Variants in VCAN observed in about 807,000 individuals in gnomAD.
The protein encoded by VCAN is versican core protein.
In VCAN, 44 loss-of-function variants were observed where a neutral mutation model predicts 245.5. The observed-to-expected ratio is 0.18, with a 90% CI of 0.14 to 0.23. VCAN has a LOEUF of 0.23. Among genes scored for constraint, VCAN ranks in the 10% least tolerant of loss-of-function variants. The pLI is 1.00. For synonymous variants in VCAN, 1,413 were observed against 1,437.0 expected (o/e 0.98, Z 0.38); for missense variants, 3,793 against 4,057.9 (o/e 0.93, Z 1.77).
intron 10 of VCAN, among the ~76,000 whole-genome samples, chr5:83,549,974 TTC>T: frequency 6.6e-6 from 1 of 152,334 alleles, no homozygotes; most frequent in Non-Finnish European, 1.5e-5. Context: ...ACGTTTTCTG[TTC>T]TCTGACTAGT....
chr5:83,519,963 G>A lies in VCAN; in HGVS notation c.1657G>A (p.Gly553Arg). The change falls in exon 7 of 15, where the codon GGA (glycine) becomes AGA (arginine). Residue 553 changes from glycine (G) to arginine (R), a missense_variant. By Grantham distance (125) the Gly-to-Arg change is moderately radical. This residue lies in a region of VCAN where 3,182 missense variants were observed against 3,250.3 expected (regional missense o/e 0.98). Transcript: ENST00000265077. Reference protein sequence around the residue: ...VTTGHYGFTLGEEDDEDRTLT... With the variant: ...VTTGHYGFTLREEDDEDRTLT... The stretch of plus-strand genomic sequence containing the variant: ...CACAGGTCACTATGGATTCACCTTG[G>A]GAGAAGAGGATGATGAAGACAGAAC... 1 of 1,614,078 alleles carries A rather than the reference G, an allele frequency of 6.2e-7. No individual in the cohort carries two copies. The highest frequency in any genetic ancestry group is 1.1e-5 in the South Asian group (1 of 91,072).
intron 5 of VCAN, among the ~76,000 whole-genome samples, chr5:83,504,505 C>G (rs1370727709): frequency 6.6e-5 from 10 of 151,944 alleles, no homozygotes; most frequent in Admixed American, 6.6e-4. Flanking sequence ...GCCTCAGATC[C>G]CCAGTAGCTG....
At chr5:83,501,193 T>C (rs2112371559) in intron 5 of VCAN, among the ~76,000 whole-genome samples, 1 of 152,312 alleles carries the variant, frequency 6.6e-6, no homozygotes, top group South Asian at 2.1e-4. Flanking sequence ...TTGTATATTC[T>C]AGATTTGCAT....
chr5:83,492,148 G>A (rs1176558853), intron 3 of VCAN, among the ~76,000 whole-genome samples: 1 of 152,028 alleles, frequency 6.6e-6, no homozygotes, highest in Non-Finnish European at 1.5e-5. Flanking sequence ...ACTGATCTGA[G>A]GCACTTATCT....
intron 13 of VCAN, among the ~76,000 whole-genome samples, chr5:83,577,620 A>G (rs1748530892): frequency 6.6e-6 from 1 of 152,170 alleles, no homozygotes; most frequent in Admixed American, 6.5e-5. Context: ...GGTTGACACT[A>G]TCCTGAAGTC....
chr5:83,514,291 G>A (rs1432943021), intron 6 of VCAN, among the ~76,000 whole-genome samples: 7 of 151,652 alleles, frequency 4.6e-5, no homozygotes, highest in African/African-American at 2.4e-5. Flanking sequence ...TACTTAAGAC[G>A]TTATTATATT....
At position 83,548,225 on chromosome 5, in the gene VCAN, A is replaced by G. The variant is rs1330384194; in HGVS notation, c.9493+141A>G. ...TTCAGGGATAGCTCAAAACATCTGA[A>G]TCATAGTGTTGACTTGATTATGGTT... On this transcript the variant is annotated intron_variant, in intron 10 of 14. Coordinates refer to ENST00000265077, the MANE Select transcript of VCAN (RefSeq NM_004385.5). 5.5e-6 allele frequency: 4 copies of G among 725,160 alleles called. No individual in the cohort carries two copies. In the East Asian group the frequency reaches 1.1e-4, roughly 19 times the overall value. 44.9% of individuals were successfully genotyped at this position (725,160 alleles called of 1,614,324 possible). A position where few individuals can be genotyped will look rare whatever the true frequency, so the allele number is the denominator to read the frequency against.
chr5:83,476,465 G>A (rs1744396863), intron 1 of VCAN, among the ~76,000 whole-genome samples: 1 of 152,136 alleles, frequency 6.6e-6, no homozygotes, highest in South Asian at 2.1e-4. Context: ...TCATTGTTGG[G>A]AGTTACTTGC....
intron 6 of VCAN, among the ~76,000 whole-genome samples, chr5:83,516,701 C>A (rs1471657008): frequency 1.3e-5 from 2 of 152,262 alleles, no homozygotes; most frequent in Non-Finnish European, 2.9e-5. Flanking sequence ...GCCAAAACTT[C>A]TCCATGTGAA....
chr5:83,473,375 G>C (rs577701018), intron 1 of VCAN, among the ~76,000 whole-genome samples: 3 of 151,806 alleles, frequency 2.0e-5, no homozygotes, highest in Non-Finnish European at 2.9e-5. Flanking sequence ...CTGCGGGAAG[G>C]GGGAGAAATC....
chr5:83,507,120 A>C (rs1458936435), intron 5 of VCAN, among the ~76,000 whole-genome samples: 1 of 152,174 alleles, frequency 6.6e-6, no homozygotes, highest in African/African-American at 2.4e-5. Context: ...TTTCTCATGG[A>C]TAGGTAACAT....
chr5:83,519,557 T>TA lies in VCAN; in HGVS notation c.1252dup (p.Ser418LysfsTer21). On this transcript the variant is annotated frameshift_variant, in exon 7 of 15. Transcript: ENST00000265077. LOFTEE classifies it high-confidence loss of function. ...CAGTCCAACCTCAGGCTATCACAGA[T>TA]AGTTTAGCCACCAAATTACCCACAC... 6.2e-7 allele frequency: 1 copy of TA among 1,614,088 alleles called. No homozygotes were observed. The highest frequency in any genetic ancestry group is 8.5e-7 in the Non-Finnish European group (1 of 1,179,952).
intron 13 of VCAN, among the ~76,000 whole-genome samples, chr5:83,578,432 A>T (rs1341247543): frequency 6.6e-6 from 1 of 151,998 alleles, no homozygotes; most frequent in Non-Finnish European, 1.5e-5. Context: ...AACCCCTGTG[A>T]CATGAGTTTA....
chr5:83,555,904 A>T (rs1174718748), intron 12 of VCAN, among the ~76,000 whole-genome samples: 1 of 152,218 alleles, frequency 6.6e-6, no homozygotes, highest in Non-Finnish European at 1.5e-5. Context: ...TAAATTAGAA[A>T]CAAAGTGTAA....
Position 83,540,927 on chromosome 5 carries a change from G to A in VCAN, c.7924G>A (p.Val2642Ile). 2 of 1,613,988 alleles carry A rather than the reference G, an allele frequency of 1.2e-6. No individual in the cohort carries two copies. Among genetic ancestry groups the A allele is most frequent in the African/African-American group, 1.3e-5 (1 of 75,008 alleles). ...GGAAACATTTGAGGGCTCTGCTGAT[G>A]TTCTGGCTAGCTACACTCAGGCAAC... Reference protein sequence around the residue: ...TEETFEGSADVLASYTQATHD... With the variant: ...TEETFEGSADILASYTQATHD... The change falls in exon 8 of 15, where the codon GTT (valine) becomes ATT (isoleucine). Residue 2642 changes from valine (V) to isoleucine (I), a missense_variant. This residue lies in a region of VCAN where 3,182 missense variants were observed against 3,250.3 expected (regional missense o/e 0.98). Transcript: ENST00000265077.
intron 5 of VCAN, among the ~76,000 whole-genome samples, chr5:83,504,038 A>G (rs79833140): frequency 0.011 from 1,740 of 152,326 alleles, 44 homozygotes; most frequent in African/African-American, 0.039. Flanking sequence ...TGAAAAAAAT[A>G]TACATGGTCC....
At chr5:83,551,354 A>C (rs938994774) in intron 10 of VCAN, among the ~76,000 whole-genome samples, 1 of 152,050 alleles carries the variant, frequency 6.6e-6, no homozygotes, top group Non-Finnish European at 1.5e-5. Context: ...CCACCAAAAA[A>C]TACAAAAATT....
chr5:83,571,808 CT>C (rs1748301291), intron 12 of VCAN, among the ~76,000 whole-genome samples: 1 of 152,042 alleles, frequency 6.6e-6, no homozygotes, highest in African/African-American at 2.4e-5. Context: ...AACAAACTAG[CT>C]TTGAAAGGTT....
intron 12 of VCAN, 150 bp downstream of exon 12, chr5:83,555,188 G>A: frequency 1.3e-6 from 1 of 753,386 alleles, no homozygotes; most frequent in South Asian, 1.5e-5. Flanking sequence ...GGTTAGAAGA[G>A]TTCCAAGCTA....
Sources: gnomAD v4.1 joint callset for allele counts (sites outside exome capture counted in the v4.1 genomes callset) on GRCh38, gnomAD v4.1.1 for gene constraint, gnomAD v4.1.1 regional missense constraint, MANE v1.5 for transcripts, NCBI Gene and HGNC (gene_info 2026-07-23, HGNC 2026-07-21) for gene names.